The following TBCE variants were observed in gnomAD, a reference collection of about 807,000 sequenced individuals.
TBCE encodes tubulin folding cofactor E.
TBCE carries 53 observed loss-of-function variants against 77.0 expected under a neutral mutation model. The observed-to-expected ratio is 0.69, with a 90% confidence interval of 0.55 to 0.87. The LOEUF is 0.87. TBCE is among the 40% of genes least tolerant of loss of function. The pLI is 0.00. For synonymous variants in TBCE, 235 were observed against 241.3 expected (o/e 0.97, Z 0.24); for missense variants, 624 against 622.4 (o/e 1.00, Z -0.03).
intron 2 of TBCE, among the ~76,000 whole-genome samples, chr1:235,400,357 A>T (rs569644440): frequency 6.7e-6 from 1 of 148,390 alleles, no homozygotes; most frequent in Admixed American, 6.7e-5. Flanking sequence ...TTCCTTGAAG[A>T]CTACCTTTAT....
At chr1:235,390,758 CAAA>C (rs35639285) in intron 2 of TBCE, among the ~76,000 whole-genome samples, 2 of 71,410 alleles carry the variant, frequency 2.8e-5, no homozygotes, top group Admixed American at 1.7e-4. Flanking sequence ...CGAAACGTCT[CAAA>C]AAAAAAAAAA....
At chr1:235,435,899 T>C (rs746767035) in intron 9 of TBCE, 59 bp downstream of exon 9, 2 of 1,388,346 alleles carry the variant, frequency 1.4e-6, no homozygotes, top group Non-Finnish European at 2.1e-6. Flanking sequence ...GTGAAGCAGT[T>C]TTCATATGCT....
Position 235,450,068 on chromosome 1 carries a change from G to A in TBCE, c.*1306G>A. The A allele has an allele frequency of 9.8e-7, 1 of 1,025,226 alleles. No homozygotes were observed. The highest frequency in any genetic ancestry group is 1.6e-5 in the African/African-American group (1 of 62,814). 63.5% of individuals were successfully genotyped at this position (1,025,226 alleles called of 1,614,324 possible). Reference sequence around the variant, plus strand: ...TGCAAACATTAAGAAACACCGCATTGGTTCTGGGTGAAAGTGCCAGTCTGG... The same window carrying A: ...TGCAAACATTAAGAAACACCGCATTAGTTCTGGGTGAAAGTGCCAGTCTGG... On this transcript the variant is annotated 3_prime_UTR_variant, in exon 17 of 17. Coordinates refer to ENST00000642610, the MANE Select transcript of TBCE (RefSeq NM_003193.5).
intron 12 of TBCE, among the ~76,000 whole-genome samples, chr1:235,438,490 G>A (rs1211613244): frequency 2.0e-5 from 3 of 151,260 alleles, no homozygotes; most frequent in Non-Finnish European, 2.9e-5. Flanking sequence ...GGAGGTTGCA[G>A]TGAGCTGAGA....
chr1:235,410,090 C>T (rs963527769), intron 3 of TBCE, among the ~76,000 whole-genome samples: 16 of 148,438 alleles, frequency 1.1e-4, no homozygotes, highest in South Asian at 2.1e-4. Context: ...TGTTGCACGC[C>T]TGTAATCCCA....
chr1:235,387,275 G>A (rs1305901201), intron 2 of TBCE, among the ~76,000 whole-genome samples: 2 of 152,302 alleles, frequency 1.3e-5, no homozygotes, highest in African/African-American at 4.8e-5. Context: ...GAGGCAGTCT[G>A]CCTGTTCTCA....
intron 1 of TBCE, among the ~76,000 whole-genome samples, chr1:235,371,205 C>T (rs7527753): frequency 0.14 from 20,552 of 150,474 alleles, 1,706 homozygotes; most frequent in African/African-American, 0.23. Flanking sequence ...TACAGGCATG[C>T]GCCACCATAC....
chr1:235,369,659 T>TAA (rs55928332), intron 1 of TBCE, among the ~76,000 whole-genome samples: 4,036 of 151,564 alleles, frequency 0.027, 185 homozygotes, highest in African/African-American at 0.09. Flanking sequence ...CCGTCTCTAC[T>TAA]AAAAAAAAAC....
intron 1 of TBCE, among the ~76,000 whole-genome samples, chr1:235,372,552 C>T (rs573942281): frequency 3.9e-5 from 6 of 152,086 alleles, no homozygotes; most frequent in East Asian, 3.9e-4. Flanking sequence ...AAGGCTGAGA[C>T]GGGAGAATCT....
intron 7 of TBCE, among the ~76,000 whole-genome samples, chr1:235,432,220 A>C (rs746036134): frequency 6.0e-5 from 9 of 149,778 alleles, no homozygotes; most frequent in Non-Finnish European, 1.2e-4. Flanking sequence ...CTGACCTCAA[A>C]TGATCTGCCT....
intron 13 of TBCE, 40 bp from the exon 14 acceptor site, chr1:235,441,774 C>T (rs200990578): frequency 6.4e-7 from 1 of 1,571,286 alleles, no homozygotes; most frequent in Non-Finnish European, 8.8e-7. Flanking sequence ...CTTATAGTGG[C>T]CTTTGGTTTA....
intron 15 of TBCE, among the ~76,000 whole-genome samples, chr1:235,443,399 G>A (rs994854759): frequency 1.5e-4 from 23 of 151,988 alleles, no homozygotes; most frequent in African/African-American, 4.3e-4. Context: ...ATGGGTTTTC[G>A]CCATGTTGCC....
chr1:235,451,659 T>C lies in TBCE; in HGVS notation c.*2897T>C, dbSNP rs1056064401. 1 of 152,186 alleles carries C rather than the reference T, an allele frequency of 6.6e-6. No individual in the cohort carries two copies. Among genetic ancestry groups the C allele is most frequent in the Middle Eastern group, 3.4e-3 (1 of 294 alleles). The allele number at this position is 152,186 out of a possible 1,614,324, so 9.4% of individuals were successfully genotyped here. On this transcript the variant is annotated 3_prime_UTR_variant, in exon 17 of 17. Coordinates refer to ENST00000642610, the MANE Select transcript of TBCE (RefSeq NM_003193.5). Reference sequence around the variant, plus strand: ...GGAATCAGACTATCAAAGTGGACCATGTAGATGTGGGTTGATTTCTTGTCC... The same window carrying C: ...GGAATCAGACTATCAAAGTGGACCACGTAGATGTGGGTTGATTTCTTGTCC...
chr1:235,416,324 C>T (rs1420127083), intron 4 of TBCE, among the ~76,000 whole-genome samples: 3 of 151,604 alleles, frequency 2.0e-5, no homozygotes, highest in African/African-American at 7.3e-5. Flanking sequence ...ATAGCCTGGG[C>T]AACATGGCAA....
intron 7 of TBCE, 73 bp downstream of exon 7, chr1:235,430,877 G>A: frequency 1.6e-6 from 2 of 1,217,940 alleles, no homozygotes; most frequent in Non-Finnish European, 2.4e-6. Context: ...AGAATTGTTA[G>A]TACAGTTTAA....
At position 235,442,852 on chromosome 1, in the gene TBCE, C is replaced by T. The variant is rs1202987709; in HGVS notation, c.1340C>T (p.Thr447Ile). ...QPLMLKNQLL[T>I]LKIKYPHQLD... ...GTCTTTTTCTTTGTTTCTCTTAAAG[C>T]ACTGAAGATAAAATACCCTCATCAA... is the stretch of plus-strand genomic sequence containing the variant. The change falls in exon 15 of 17, where the codon ACA becomes ATA. Residue 447 changes from threonine to isoleucine, a missense_variant and splice_region_variant. Physicochemically the swap from Thr to Ile is moderately conservative, Grantham distance 89. Coordinates refer to ENST00000642610, the MANE Select transcript of TBCE (RefSeq NM_003193.5). The T allele has an allele frequency of 5.0e-6, 8 of 1,613,688 alleles. No homozygotes were observed. Among genetic ancestry groups the T allele is most frequent in the Non-Finnish European group, 6.8e-6 (8 of 1,179,818 alleles).
At chr1:235,429,393 G>A (rs1680957272) in intron 6 of TBCE, 1 of 152,150 alleles carries the variant, frequency 6.6e-6, no homozygotes, top group African/African-American at 2.4e-5. Flanking sequence ...ACTTTTACCA[G>A]GTGGGGATGA....
intron 13 of TBCE, 46 bp from the exon 14 acceptor site, chr1:235,441,768 T>C (rs373701959): frequency 1.9e-6 from 3 of 1,549,462 alleles, no homozygotes; most frequent in Middle Eastern, 1.7e-4. Flanking sequence ...TTTTTACTTA[T>C]AGTGGCCTTT....
In TBCE at chr1:235,448,422, G is replaced by A; in HGVS notation, c.1473G>A (p.Leu491=). ...AAGTTCCTGTGTCAGACCTTCTGTT[G>A]TCCTATGAAAGTCCCAAAGTAAGTT... The part of the protein sequence containing the change: ...LLKVPVSDLL[L]SYESPKKPGR... Residue 491 remains leucine (L), a synonymous_variant, in exon 16 of 17, where the codon TTG becomes TTA. Transcript: ENST00000642610. The A allele has an allele frequency of 6.2e-7, 1 of 1,614,048 alleles. No homozygotes were observed. Among genetic ancestry groups the A allele is most frequent in the Non-Finnish European group, 8.5e-7 (1 of 1,179,996 alleles).
Sources: gnomAD v4.1 joint callset for allele counts (sites outside exome capture counted in the v4.1 genomes callset) on GRCh38, gnomAD v4.1.1 for gene constraint, MANE v1.5 for transcripts, NCBI Gene and HGNC (gene_info 2026-07-23, HGNC 2026-07-21) for gene names.